ERBB4: variants seen among roughly 807,000 people sequenced by gnomAD.
ERBB4 encodes the protein erb-b2 receptor tyrosine kinase 4.
In ERBB4, 42 loss-of-function variants were observed where a neutral mutation model predicts 158.0. That is an observed-to-expected ratio of 0.27 (90% CI 0.21 to 0.34). The LOEUF (loss-of-function observed/expected upper bound fraction) is 0.34. ERBB4 is among the 10% of genes least tolerant of loss of function. The probability of loss-of-function intolerance (pLI) is 1.00; values close to 1 mark genes in which losing one functional copy is unlikely to be tolerated. For synonymous variants in ERBB4, 583 were observed against 558.7 expected (o/e 1.04, Z -0.61); for missense variants, 1,333 against 1,624.1 (o/e 0.82, Z 3.08).
intron 2 of ERBB4, among the ~76,000 whole-genome samples, chr2:212,063,400 A>G: frequency 6.6e-6 from 1 of 152,278 alleles, no homozygotes. Flanking sequence ...TGAAGGACAT[A>G]CAGATATTTA....
At chr2:212,098,344 G>A (rs2078988604) in intron 2 of ERBB4, among the ~76,000 whole-genome samples, 1 of 152,186 alleles carries the variant, frequency 6.6e-6, no homozygotes, top group South Asian at 2.1e-4. Context: ...TTTAGACAAA[G>A]ATAATCTGTT....
intron 2 of ERBB4, among the ~76,000 whole-genome samples, chr2:212,020,184 G>C (rs545241387): frequency 1.3e-5 from 2 of 151,924 alleles, no homozygotes; most frequent in African/African-American, 4.8e-5. Context: ...TTAAAGCAAA[G>C]GAGTTCTGAT....
In ERBB4 at chr2:211,776,724, G is replaced by T. The variant is rs185327761; in HGVS notation, c.556+11301C>A. 5.1e-4 allele frequency among the ~76,000 whole-genome samples: 77 copies of T among 152,274 alleles called. 1 individual carries two copies. The highest frequency in any genetic ancestry group is 2.3e-3 in the East Asian group (12 of 5,182). Reference sequence around the variant, plus strand: ...CTGGAAATTCAGGTTCTTTAAAGTTGAATTGGCAGAGGTTTGGCTGAGAGG... The same window carrying T: ...CTGGAAATTCAGGTTCTTTAAAGTTTAATTGGCAGAGGTTTGGCTGAGAGG... On this transcript the variant is annotated intron_variant, in intron 4 of 27. Transcript: ENST00000342788.
intron 1 of ERBB4, among the ~76,000 whole-genome samples, chr2:212,515,838 C>T (rs1382571393): frequency 1.3e-5 from 2 of 151,874 alleles, no homozygotes; most frequent in African/African-American, 4.8e-5. Context: ...AATATTTATT[C>T]TGAGGAAATC....
chr2:211,640,962 A>C (rs2070561484), intron 16 of ERBB4, among the ~76,000 whole-genome samples: 1 of 152,174 alleles, frequency 6.6e-6, no homozygotes, highest in Non-Finnish European at 1.5e-5. Context: ...GCAGACAGAC[A>C]ATTAGAAGGG....
chr2:212,306,673 G>A (rs2086822337), intron 1 of ERBB4, among the ~76,000 whole-genome samples: 1 of 150,346 alleles, frequency 6.7e-6, no homozygotes, highest in Non-Finnish European at 1.5e-5. Flanking sequence ...AAGCAGCCCA[G>A]TTTCTGAATA....
chr2:211,446,875 C>A (rs1333896850), intron 20 of ERBB4, among the ~76,000 whole-genome samples: 1 of 152,032 alleles, frequency 6.6e-6, no homozygotes, highest in Non-Finnish European at 1.5e-5. Flanking sequence ...TATAAATGAT[C>A]CATGTCTCCT....
intron 1 of ERBB4, among the ~76,000 whole-genome samples, chr2:212,510,652 A>G (rs1357716247): frequency 6.6e-6 from 1 of 152,104 alleles, no homozygotes; most frequent in Non-Finnish European, 1.5e-5. Context: ...GTGAGTAGAT[A>G]GAATAACAGG....
chr2:212,466,240 G>A (rs1467531649), intron 1 of ERBB4, among the ~76,000 whole-genome samples: 4 of 152,178 alleles, frequency 2.6e-5, no homozygotes, highest in Non-Finnish European at 5.9e-5. Context: ...GGTTTGAACT[G>A]CATGGGTCCA....
rs185602846 is a variant in ERBB4, at chr2:211,933,735, T to A, written c.421+13695A>T. Among the ~76,000 whole-genome samples the A allele has an allele frequency of 1.6e-4, 24 of 152,160 alleles. No homozygotes were observed. In the East Asian group the frequency reaches 3.9e-3, roughly 24 times the overall value. ...TCTTAAGTAAATTATTTATTCTCTC[T>A]GGGACTCAGTTTCGAAATGAGAGAG... On this transcript the variant is annotated intron_variant, in intron 3 of 27. Coordinates refer to ENST00000342788, the MANE Select transcript of ERBB4 (RefSeq NM_005235.3).
intron 6 of ERBB4, 145 bp from the exon 7 acceptor site, chr2:211,722,679 C>A: frequency 1.1e-6 from 1 of 889,178 alleles, no homozygotes; most frequent in Non-Finnish European, 1.7e-6. Flanking sequence ...TGTGTGTTTC[C>A]AAAATTTCAT....
chr2:211,803,864 G>T (rs1020862579), intron 3 of ERBB4, among the ~76,000 whole-genome samples: 2 of 152,150 alleles, frequency 1.3e-5, no homozygotes, highest in Admixed American at 1.3e-4. Context: ...ATAAAGAATG[G>T]AAAGGGAAAG....
At chr2:211,805,752 G>A (rs1205763651) in intron 3 of ERBB4, among the ~76,000 whole-genome samples, 1 of 151,988 alleles carries the variant, frequency 6.6e-6, no homozygotes, top group African/African-American at 2.4e-5. Context: ...TAGTATCTAT[G>A]TCAAGATATA....
chr2:211,817,589 T>A (rs2076906206), intron 3 of ERBB4, among the ~76,000 whole-genome samples: 1 of 152,166 alleles, frequency 6.6e-6, no homozygotes, highest in Admixed American at 6.5e-5. Context: ...CTAAATCTTG[T>A]CCCTCCCTGT....
chr2:211,793,288 A>T (rs1324817885), intron 3 of ERBB4, among the ~76,000 whole-genome samples: 2 of 151,956 alleles, frequency 1.3e-5, no homozygotes, highest in Non-Finnish European at 2.9e-5. Flanking sequence ...AGAAGGATCT[A>T]ATAAACAGGA....
At chr2:212,160,816 T>C (rs1285743767) in intron 1 of ERBB4, among the ~76,000 whole-genome samples, 1 of 151,998 alleles carries the variant, frequency 6.6e-6, no homozygotes, top group African/African-American at 2.4e-5. Flanking sequence ...AATTGATACT[T>C]TCACCTTTGT....
intron 9 of ERBB4, among the ~76,000 whole-genome samples, chr2:211,711,171 T>C (rs975178670): frequency 2.4e-4 from 37 of 152,096 alleles, no homozygotes; most frequent in Non-Finnish European, 2.9e-5. Context: ...CATATAATAA[T>C]TGATTTGAAT....
chr2:212,264,396 A>G (rs1480716070), intron 1 of ERBB4, among the ~76,000 whole-genome samples: 1 of 152,104 alleles, frequency 6.6e-6, no homozygotes, highest in East Asian at 1.9e-4. Flanking sequence ...CCCTGCCATT[A>G]TGCTCACTGG....
chr2:212,357,665 T>A (rs2089514042), intron 1 of ERBB4, among the ~76,000 whole-genome samples: 1 of 151,572 alleles, frequency 6.6e-6, no homozygotes, highest in Non-Finnish European at 1.5e-5. Flanking sequence ...TTGACTAACC[T>A]CCTTCGATCT....
Sources: gnomAD v4.1 joint callset for allele counts (sites outside exome capture counted in the v4.1 genomes callset) on GRCh38, gnomAD v4.1.1 for gene constraint, MANE v1.5 for transcripts, NCBI Gene and HGNC (gene_info 2026-07-23, HGNC 2026-07-21) for gene names.